Variants in TUSC3 observed in about 807,000 individuals in gnomAD.
The protein encoded by TUSC3 is tumor suppressor candidate 3.
Under a neutral mutation model 44.8 loss-of-function variants are expected in TUSC3, and 45 were observed. The observed-to-expected ratio is 1.00, with a 90% CI of 0.79 to 1.29. The LOEUF is 1.29. TUSC3 is among the 50% of genes most tolerant of loss of function. The pLI is 0.00. For synonymous variants in TUSC3, 212 were observed against 152.9 expected, an observed-to-expected ratio of 1.39 and a Z score of -2.85; for missense variants, 519 against 437.9, an observed-to-expected ratio of 1.19 and a Z score of -1.65.
intron 1 of TUSC3, among the ~76,000 whole-genome samples, chr8:15,438,433 T>C (rs1010061453): frequency 6.8e-6 from 1 of 147,690 alleles, no homozygotes; most frequent in African/African-American, 2.5e-5. Context: ...GCATATAAAG[T>C]ATGTGCATGG....
chr8:15,846,585 T>C, the TUSC3 span, among the ~76,000 whole-genome samples: 3 of 152,196 alleles, frequency 2.0e-5, no homozygotes, highest in Admixed American at 6.5e-5. Context: ...GAAACCATCA[T>C]TTTCAGCAAA....
the TUSC3 span, among the ~76,000 whole-genome samples, chr8:15,846,347 G>C: frequency 6.6e-6 from 1 of 152,068 alleles, no homozygotes; most frequent in Non-Finnish European, 1.5e-5. Flanking sequence ...TGCGATTATA[G>C]TAGAACCCAT....
chr8:15,757,393 G>A (rs1286643039), intron 9 of TUSC3, among the ~76,000 whole-genome samples: 1 of 152,188 alleles, frequency 6.6e-6, no homozygotes, highest in Non-Finnish European at 1.5e-5. Context: ...AAGTATGATA[G>A]TGAACAAGTA....
intron 6 of TUSC3, among the ~76,000 whole-genome samples, chr8:15,682,694 G>T (rs1023152645): frequency 2.0e-5 from 3 of 152,116 alleles, no homozygotes; most frequent in Non-Finnish European, 4.4e-5. Context: ...GGTGGTGTTA[G>T]CTGGGTTAAC....
chr8:15,563,146 C>T (rs760178084), intron 1 of TUSC3, among the ~76,000 whole-genome samples: 1 of 152,040 alleles, frequency 6.6e-6, no homozygotes, highest in Non-Finnish European at 1.5e-5. Context: ...ATGTATGGGA[C>T]AGTATTATTT....
In TUSC3 at chr8:15,579,149, G is replaced by C. The variant is rs184211725; in HGVS notation, c.138+38581G>C. 3.6e-3 allele frequency among the ~76,000 whole-genome samples: 548 copies of C among 151,704 alleles called. 9 individuals are homozygous for C. In the East Asian group the frequency reaches 0.04, roughly 11 times the overall value. On this transcript the variant is annotated intron_variant, in intron 1 of 10. Transcript: ENST00000503731. ...CTGATATTAGTTTGTATTTCTGTGG[G>C]ATTGGTGGTGATATCCCCTTTATCA...
chr8:15,504,775 C>T (rs575583043), intron 2 of TUSC3, among the ~76,000 whole-genome samples: 115 of 150,028 alleles, frequency 7.7e-4, no homozygotes, highest in African/African-American at 1.7e-3. Flanking sequence ...GCCTCAGCCT[C>T]CCTAGTAGCC....
At chr8:15,823,355 C>T in the TUSC3 span, among the ~76,000 whole-genome samples, 1 of 152,120 alleles carries the variant, frequency 6.6e-6, no homozygotes, top group Admixed American at 6.6e-5. Context: ...GAATTAAAGA[C>T]TGTGGACTGC....
At chr8:15,455,023 G>A (rs1800237556) in intron 1 of TUSC3, among the ~76,000 whole-genome samples, 2 of 152,264 alleles carry the variant, frequency 1.3e-5, no homozygotes, top group East Asian at 1.9e-4. Flanking sequence ...GGGGTTGGAG[G>A]GTACAAGATG....
chr8:15,559,556 C>A (rs1377166744), intron 1 of TUSC3, among the ~76,000 whole-genome samples: 1 of 141,188 alleles, frequency 7.1e-6, no homozygotes, highest in Non-Finnish European at 1.6e-5. Context: ...CCTGGGTATC[C>A]TTGTTGACTT....
At chr8:15,725,688 T>C (rs1420339041) in intron 6 of TUSC3, among the ~76,000 whole-genome samples, 1 of 152,214 alleles carries the variant, frequency 6.6e-6, no homozygotes, top group East Asian at 1.9e-4. Context: ...TTTACATGTA[T>C]TATCAATTCA....
At chr8:15,504,728 C>G (rs142856541) in intron 2 of TUSC3, among the ~76,000 whole-genome samples, 2 of 146,404 alleles carry the variant, frequency 1.4e-5, no homozygotes, top group African/African-American at 5.0e-5. Flanking sequence ...TCTTGGCTCA[C>G]TGCAACCTCT....
chr8:15,553,404 C>G (rs1585094591), intron 1 of TUSC3, among the ~76,000 whole-genome samples: 2 of 151,250 alleles, frequency 1.3e-5, no homozygotes, highest in South Asian at 4.2e-4. Flanking sequence ...GCTGGAGGAG[C>G]TTAGAAGGAA....
chr8:15,664,083 ATC>A (rs1390608624), intron 5 of TUSC3, among the ~76,000 whole-genome samples: 1 of 151,746 alleles, frequency 6.6e-6, no homozygotes, highest in African/African-American at 2.4e-5. Context: ...CTCTTTACTG[ATC>A]TCTTTTTTCT....
intron 1 of TUSC3, among the ~76,000 whole-genome samples, chr8:15,587,094 T>C (rs1455700542): frequency 1.3e-5 from 2 of 152,174 alleles, no homozygotes; most frequent in African/African-American, 4.8e-5. Context: ...GGAAGCTCTG[T>C]TTTATTTTGT....
the TUSC3 span, among the ~76,000 whole-genome samples, chr8:15,784,163 A>G: frequency 4.6e-5 from 7 of 152,154 alleles, no homozygotes; most frequent in African/African-American, 1.7e-4. Context: ...CACAACCATT[A>G]GATTGCCTAT....
chr8:15,595,577 T>C (rs1804033848), intron 1 of TUSC3, among the ~76,000 whole-genome samples: 1 of 152,168 alleles, frequency 6.6e-6, no homozygotes, highest in Non-Finnish European at 1.5e-5. Flanking sequence ...TCCTTTTGTT[T>C]GTTTGTTTGT....
At chr8:15,451,744 T>G (rs1800199400) in intron 1 of TUSC3, among the ~76,000 whole-genome samples, 1 of 152,034 alleles carries the variant, frequency 6.6e-6, no homozygotes, top group African/African-American at 2.4e-5. Context: ...GGGGCAATAT[T>G]GTGTGACTGA....
chr8:15,573,442 G>C (rs1335308258), intron 1 of TUSC3, among the ~76,000 whole-genome samples: 1 of 151,688 alleles, frequency 6.6e-6, no homozygotes, highest in Non-Finnish European at 1.5e-5. Context: ...CCACACTTCC[G>C]TAGATTGTGC....
Sources: gnomAD v4.1 joint callset for allele counts (sites outside exome capture counted in the v4.1 genomes callset) on GRCh38, gnomAD v4.1.1 for gene constraint, MANE v1.5 for transcripts, NCBI Gene and HGNC (gene_info 2026-07-23, HGNC 2026-07-21) for gene names.